The following SETD1A variants were observed in gnomAD, a reference collection of about 807,000 sequenced individuals.
The protein encoded by SETD1A is SET domain containing 1A, histone lysine methyltransferase, also known as histone-lysine N-methyltransferase SETD1A.
SETD1A carries 29 observed loss-of-function variants against 149.9 expected under a neutral mutation model. The observed-to-expected ratio is 0.19, with a 90% CI of 0.14 to 0.26. SETD1A has a LOEUF of 0.26. Ranked by LOEUF, SETD1A falls within the 10% of genes least tolerant of loss-of-function variation. The pLI is 1.00. For missense variants in SETD1A, 2,109 were observed against 2,353.1 expected (o/e 0.90, Z 2.15); for synonymous variants, 1,141 against 968.5 (o/e 1.18, Z -3.31).
chr16:30,981,206 C>G (rs374616999), intron 17 of SETD1A, 26 bp downstream of exon 17: 8 of 1,612,734 alleles, frequency 5.0e-6, no homozygotes, highest in African/African-American at 1.3e-5. Flanking sequence ...CAGCCCCGCC[C>G]CGGCTTCTGA....
chr16:30,969,109 A>G (rs1010617169), intron 10 of SETD1A, among the ~76,000 whole-genome samples, 196 bp from the exon 11 acceptor site: 15 of 152,190 alleles, frequency 9.9e-5, no homozygotes, highest in Non-Finnish European at 1.3e-4. Context: ...CCCCGTCCCA[A>G]AAACAAAAAC....
chr16:30,965,248 G>A lies in SETD1A; in HGVS notation c.1506G>A (p.Lys502=). ...TGCTGCTGAAGGAGCAGCGCTCCAA[G>A]TTTTCCTTCTTGGCCTCTGACACAG... The part of the protein sequence containing the change: ...IEMLLKEQRS[K]FSFLASDTEE... Residue 502 remains lysine (K), a synonymous_variant, in exon 7 of 19, where the codon AAG becomes AAA. Coordinates refer to ENST00000262519, the MANE Select transcript of SETD1A (RefSeq NM_014712.3). 6.2e-7 allele frequency: 1 copy of A among 1,614,244 alleles called. No individual in the cohort carries two copies. Among genetic ancestry groups the A allele is most frequent in the South Asian group, 1.1e-5 (1 of 91,088 alleles).
Position 30,980,267 on chromosome 16 carries a change from C to T in SETD1A, c.4408+73C>T. On this transcript the variant is annotated intron_variant, in intron 14 of 18. Transcript: ENST00000262519. This position sits in a 1 kb window ranked among gnomAD's most constrained non-coding sequence, Gnocchi z 7.7. ...CCCCTCCAGGCACCTGCATCTGTGC[C>T]CCACTCTGTCTGCCTCCCCTCTGGC... is the stretch of plus-strand genomic sequence containing the variant. The T allele has an allele frequency of 2.0e-6, 3 of 1,495,686 alleles. No individual in the cohort carries two copies. Among genetic ancestry groups the T allele is most frequent in the Non-Finnish European group, 2.7e-6 (3 of 1,121,190 alleles). The allele number at this position is 1,495,686 out of a possible 1,614,324, so 92.7% of individuals were successfully genotyped here. A position where few individuals can be genotyped will look rare whatever the true frequency, so the allele number is the denominator to read the frequency against.
intron 13 of SETD1A, among the ~76,000 whole-genome samples, chr16:30,974,253 C>T (rs1342456248): frequency 6.6e-6 from 1 of 152,012 alleles, no homozygotes; most frequent in Non-Finnish European, 1.5e-5. Flanking sequence ...ATTTGAGGTG[C>T]CCCTTGGGCT....
chr16:30,964,040 C>A, intron 5 of SETD1A, 54 bp from the exon 6 acceptor site: 1 of 1,400,418 alleles, frequency 7.1e-7, no homozygotes, highest in Non-Finnish European at 1.0e-6. Context: ...AAGGGCAGGT[C>A]TCAAGTGGTG....
Position 30,981,200 on chromosome 16 carries a change from C to A in SETD1A, c.4812+20C>A. The A allele has an allele frequency of 1.2e-6, 2 of 1,613,228 alleles. No homozygotes were observed. The highest frequency in any genetic ancestry group is 1.7e-6 in the Non-Finnish European group (2 of 1,179,456). On this transcript the variant is annotated intron_variant, in intron 17 of 18. Coordinates refer to ENST00000262519, the MANE Select transcript of SETD1A (RefSeq NM_014712.3). The stretch of plus-strand genomic sequence containing the variant: ...CGTCAGGTGAGGCTGCACTCCCAGC[C>A]CCGCCCCGGCTTCTGATGCAACAAG...
intron 13 of SETD1A, among the ~76,000 whole-genome samples, chr16:30,973,247 G>A (rs1395606153): frequency 2.0e-5 from 3 of 152,090 alleles, no homozygotes; most frequent in South Asian, 2.1e-4. Flanking sequence ...TGTATGTTTC[G>A]AAAAAATGCA....
In SETD1A at chr16:30,980,947, G is replaced by T; in HGVS notation, c.4692+98G>T. The stretch of plus-strand genomic sequence containing the variant: ...CAGCAGGCTCCTGTGGTTCCCTCGG[G>T]TGGAGTTGGGGGGTAAGCAGCCAGA... On this transcript the variant is annotated intron_variant, in intron 16 of 18. Transcript: ENST00000262519. The surrounding 1 kb of genome is among the most constrained non-coding windows in gnomAD (Gnocchi z 7.7). 1 of 1,571,996 alleles carries T rather than the reference G, an allele frequency of 6.4e-7. No individual in the cohort carries two copies. Among genetic ancestry groups the T allele is most frequent in the Middle Eastern group, 2.0e-4 (1 of 4,964 alleles).
intron 3 of SETD1A, 99 bp downstream of exon 3, chr16:30,959,285 C>T: frequency 2.4e-6 from 2 of 842,446 alleles, no homozygotes; most frequent in South Asian, 1.4e-5. Flanking sequence ...ATGAAAGGAT[C>T]TCAGCCAGAT....
chr16:30,965,707 C>T lies in SETD1A; in HGVS notation c.1826C>T (p.Pro609Leu). The T allele has an allele frequency of 2.5e-6, 4 of 1,590,230 alleles. No individual in the cohort carries two copies. Among genetic ancestry groups the T allele is most frequent in the Non-Finnish European group, 3.4e-6 (4 of 1,168,136 alleles). ...TPPQQPPPPP[P>L]PPPPPPPYLA... Reference sequence around the variant, plus strand: ...CCTCAGCAGCCTCCGCCACCTCCCCCTCCCCCGCCGCCTCCTCCTCCCTAC... The same window carrying T: ...CCTCAGCAGCCTCCGCCACCTCCCCTTCCCCCGCCGCCTCCTCCTCCCTAC... Residue 609 changes from proline (P) to leucine (L), a missense_variant, in exon 8 of 19, where the codon CCT becomes CTT. Pro to Leu is a moderately conservative substitution (Grantham distance 98). Around this residue, in one of 8 missense-constraint regions of SETD1A, gnomAD observed 431 missense variants for 388.6 expected, o/e 1.11. Coordinates refer to ENST00000262519, the MANE Select transcript of SETD1A (RefSeq NM_014712.3).
At chr16:30,963,910 T>C (rs1322557876) in intron 5 of SETD1A, among the ~76,000 whole-genome samples, 184 bp from the exon 6 acceptor site, 2 of 151,504 alleles carry the variant, frequency 1.3e-5, no homozygotes, top group African/African-American at 2.4e-5. Flanking sequence ...GAGAATGGCA[T>C]GAACCCGGGA....
chr16:30,970,525 C>T (rs2056211869), intron 12 of SETD1A, among the ~76,000 whole-genome samples: 1 of 152,194 alleles, frequency 6.6e-6, no homozygotes, highest in Non-Finnish European at 1.5e-5. Flanking sequence ...ACCTCGGCCT[C>T]CCAAAGTGCT....
chr16:30,958,702 C>T lies in SETD1A; in HGVS notation c.-15-15C>T, dbSNP rs776698789. On this transcript the variant is annotated splice_polypyrimidine_tract_variant and intron_variant, in intron 1 of 18. Transcript: ENST00000262519. ...AAGTCCTGATCCTTCTTGCGTGTCC[C>T]TCTTCCCCTAACAGTGTAAATGAGC... 3.1e-6 allele frequency: 5 copies of T among 1,612,222 alleles called. No homozygotes were observed. Among genetic ancestry groups the T allele is most frequent in the South Asian group, 1.1e-5 (1 of 90,968 alleles).
chr16:30,963,062 A>C lies in SETD1A; in HGVS notation c.518-371A>C, dbSNP rs2143476358. 2.0e-5 allele frequency among the ~76,000 whole-genome samples: 3 copies of C among 152,346 alleles called. No individual in the cohort carries two copies. The South Asian group carries it at 6.2e-4, about 32-fold the overall frequency. ...TGCTTTAGTTTACAGGATAAAGAGC[A>C]TGGGGTGATCGAGCCTCTGGGTTTG... On this transcript the variant is annotated intron_variant, in intron 4 of 18. Coordinates refer to ENST00000262519, the MANE Select transcript of SETD1A (RefSeq NM_014712.3).
rs755127868 is a variant in SETD1A at position 30,980,736 on chromosome 16, CAG to C, written c.4582-2_4582-1del. On this transcript the variant is annotated splice_acceptor_variant, in intron 15 of 18. Transcript: ENST00000262519. LOFTEE classifies it high-confidence loss of function. This position sits in a 1 kb window ranked among gnomAD's most constrained non-coding sequence, Gnocchi z 7.7. The stretch of plus-strand genomic sequence containing the variant: ...CACCTCCTCCCTGCCGTGTGTCTCA[CAG>C]GGGACGAACCGCGTGCTGTCCGAGC... 12 of 1,612,326 alleles carry C rather than the reference CAG, an allele frequency of 7.4e-6. No homozygotes were observed. The highest frequency in any genetic ancestry group is 2.2e-5 in the East Asian group (1 of 44,874).
chr16:30,979,546 G>T lies in SETD1A; in HGVS notation c.3760G>T (p.Ala1254Ser), dbSNP rs764350013. Residue 1254 changes from alanine to serine, a missense_variant, in exon 14 of 19, where the codon GCG becomes TCG. Ala to Ser is a moderately conservative substitution (Grantham distance 99). Around this residue, in one of 8 missense-constraint regions of SETD1A, gnomAD observed 832 missense variants for 815.6 expected, o/e 1.02. Transcript: ENST00000262519. ...TGAGCCAGGGACAGAGGTGGACCTG[G>T]CGGTCCTGGCCGACCTGGCCCTGAC... is the stretch of plus-strand genomic sequence containing the variant. ...EAEPGTEVDL[A>S]VLADLALTPA... The T allele has an allele frequency of 1.2e-5, 19 of 1,608,592 alleles. No individual in the cohort carries two copies. The highest frequency in any genetic ancestry group is 1.6e-5 in the Non-Finnish European group (19 of 1,178,768).
intron 4 of SETD1A, 108 bp from the exon 5 acceptor site, chr16:30,963,325 G>C: frequency 9.0e-7 from 1 of 1,115,880 alleles, no homozygotes; most frequent in Non-Finnish European, 1.2e-6. Flanking sequence ...CTGAAACCCA[G>C]ATTCCAAGAA....
Position 30,957,807 on chromosome 16 carries a change from G to A in SETD1A, c.-173G>A, listed in dbSNP as rs917216071. ...TCGTCGTGGCGAAGCCGACTCTCCG[G>A]GGGATGCGGCCAATCTCCAAGCTCC... On this transcript the variant is annotated 5_prime_UTR_variant, in exon 1 of 19. Coordinates refer to ENST00000262519, the MANE Select transcript of SETD1A (RefSeq NM_014712.3). 2 of 152,212 alleles carry A rather than the reference G, an allele frequency of 1.3e-5. No homozygotes were observed. The highest frequency in any genetic ancestry group is 4.8e-5 in the African/African-American group (2 of 41,454). The allele number at this position is 152,212 out of a possible 1,614,324, so 9.4% of individuals were successfully genotyped here.
Position 30,980,892 on chromosome 16 carries a change from G to A in SETD1A, c.4692+43G>A. The A allele has an allele frequency of 6.9e-7, 1 of 1,451,024 alleles. No homozygotes were observed. Among genetic ancestry groups the A allele is most frequent in the Admixed American group, 1.7e-5 (1 of 57,556 alleles). The allele number at this position is 1,451,024 out of a possible 1,614,324, so 89.9% of individuals were successfully genotyped here. A position where few individuals can be genotyped will look rare whatever the true frequency, so the allele number is the denominator to read the frequency against. ...GAGGGGCTGGGTGGGGTGGGGTGGG[G>A]CAGGAAGGGGCAGAGGCCAGGGGAC... On this transcript the variant is annotated intron_variant, in intron 16 of 18. Coordinates refer to ENST00000262519, the MANE Select transcript of SETD1A (RefSeq NM_014712.3). The surrounding 1 kb of genome is among the most constrained non-coding windows in gnomAD (Gnocchi z 7.7).
Sources: gnomAD v4.1 joint callset for allele counts (sites outside exome capture counted in the v4.1 genomes callset) on GRCh38, gnomAD v4.1.1 for gene constraint, gnomAD v4.1.1 regional missense constraint, Gnocchi (gnomAD v3.1) non-coding constraint, MANE v1.5 for transcripts, NCBI Gene and HGNC (gene_info 2026-07-23, HGNC 2026-07-21) for gene names.